Variants in RTKN2 observed in about 807,000 individuals in gnomAD.
RTKN2 encodes rhotekin 2, also known as rhotekin-2.
Under a neutral mutation model 71.5 loss-of-function variants are expected in RTKN2, and 69 were observed. The observed-to-expected ratio is 0.96, with a 90% CI of 0.79 to 1.18. The LOEUF (loss-of-function observed/expected upper bound fraction) is 1.18. RTKN2 is among the 50% of genes most tolerant of loss of function. RTKN2 has a pLI of 0.00. For synonymous variants in RTKN2, 236 were observed against 236.5 expected, an observed-to-expected ratio of 1.00 and a Z score of 0.02; for missense variants, 724 against 719.7, an observed-to-expected ratio of 1.01 and a Z score of -0.07.
chr10:62,223,372 AT>A lies in RTKN2; in HGVS notation c.687-41del, dbSNP rs1397628415. The A allele has an allele frequency of 4.2e-5, 49 of 1,178,330 alleles. 4 individuals carry two copies. The highest frequency in any genetic ancestry group is 2.7e-4 in the African/African-American group (18 of 66,204). The allele number at this position is 1,178,330 out of a possible 1,614,324, so 73.0% of individuals were successfully genotyped here. A position where few individuals can be genotyped will look rare whatever the true frequency, so the allele number is the denominator to read the frequency against. On this transcript the variant is annotated intron_variant, in intron 6 of 11. Coordinates refer to ENST00000373789, the MANE Select transcript of RTKN2 (RefSeq NM_145307.4). ...GAAGACATGTTTTAAGTATTTTTGT[AT>A]TTCTACTACTACACAAAATATTTGT...
In RTKN2 at chr10:62,196,026, T is replaced by G. The variant is rs191222836; in HGVS notation, c.*1882A>C. The G allele has an allele frequency of 1.0e-6, 1 of 984,704 alleles. No individual in the cohort carries two copies. Among genetic ancestry groups the G allele is most frequent in the Admixed American group, 6.2e-5 (1 of 16,222 alleles). 61.0% of individuals were successfully genotyped at this position (984,704 alleles called of 1,614,324 possible). A position where few individuals can be genotyped will look rare whatever the true frequency, so the allele number is the denominator to read the frequency against. ...TGGAAGTTTTAATACTGATTTGTAA[T>G]AAAGGAAGGCATCAACTAGGAAAAA... On this transcript the variant is annotated 3_prime_UTR_variant, in exon 12 of 12. Coordinates refer to ENST00000373789, the MANE Select transcript of RTKN2 (RefSeq NM_145307.4).
At chr10:62,254,646 T>C (rs983736538) in intron 2 of RTKN2, among the ~76,000 whole-genome samples, 5 of 151,934 alleles carry the variant, frequency 3.3e-5, no homozygotes, top group Non-Finnish European at 1.5e-5. Flanking sequence ...CATAAAGAAA[T>C]AAAATAGATT....
chr10:62,201,756 A>C (rs1841446999), intron 10 of RTKN2, among the ~76,000 whole-genome samples: 1 of 152,212 alleles, frequency 6.6e-6, no homozygotes, highest in Admixed American at 6.5e-5. Flanking sequence ...ATAATGCCAC[A>C]TTATTTCACG....
intron 5 of RTKN2, among the ~76,000 whole-genome samples, chr10:62,237,678 A>C (rs141201143): frequency 6.6e-6 from 1 of 151,776 alleles, no homozygotes; most frequent in East Asian, 1.9e-4. Flanking sequence ...CTTATAGTGC[A>C]CTCGTCACTG....
intron 2 of RTKN2, among the ~76,000 whole-genome samples, chr10:62,256,346 C>G (rs546898997): frequency 6.6e-6 from 1 of 152,120 alleles, no homozygotes; most frequent in East Asian, 1.9e-4. Context: ...GTATAAATGA[C>G]AAGGGGTTTT....
chr10:62,268,061 T>C (rs994982991), intron 1 of RTKN2, among the ~76,000 whole-genome samples: 1 of 152,228 alleles, frequency 6.6e-6, no homozygotes, highest in Non-Finnish European at 1.5e-5. Context: ...TTTTCTAAAG[T>C]GCAGAGGTTG....
Position 62,236,176 on chromosome 10 carries a change from C to T in RTKN2, c.576G>A (p.Lys192=), listed in dbSNP as rs149717739. 34 of 1,611,788 alleles carry T rather than the reference C, an allele frequency of 2.1e-5. No homozygotes were observed. In the African/African-American group the frequency reaches 4.3e-4, roughly 20 times the overall value. The part of the protein sequence containing the change: ...EESSITNTPK[K]LAKKLKTSIS... ...TAGATGTCTTGAGTTTCTTAGCTAG[C>T]TTTTTTGGTGTGTTGGTTATAGAAG... The change falls in exon 6 of 12, where the codon AAG becomes AAA. Residue 192 remains lysine, a synonymous_variant. Coordinates refer to ENST00000373789, the MANE Select transcript of RTKN2 (RefSeq NM_145307.4).
intron 6 of RTKN2, among the ~76,000 whole-genome samples, chr10:62,230,161 T>C (rs1169757556): frequency 6.6e-6 from 1 of 152,146 alleles, no homozygotes; most frequent in African/African-American, 2.4e-5. Flanking sequence ...CTATTATTTT[T>C]CTTTTTTTCT....
At chr10:62,234,194 G>A (rs1387804330) in intron 6 of RTKN2, among the ~76,000 whole-genome samples, 1 of 152,054 alleles carries the variant, frequency 6.6e-6, no homozygotes, top group Non-Finnish European at 1.5e-5. Context: ...AACAACTTGG[G>A]CATCAAAGAG....
chr10:62,259,518 A>C (rs1842734809), intron 2 of RTKN2, among the ~76,000 whole-genome samples: 1 of 152,092 alleles, frequency 6.6e-6, no homozygotes, highest in Non-Finnish European at 1.5e-5. Context: ...CCTGCTCCTG[A>C]ATAATTCATA....
At position 62,201,681 on chromosome 10, in the gene RTKN2, C is replaced by T. The variant is rs374053236; in HGVS notation, c.1187-1820G>A. Among the ~76,000 whole-genome samples, 28 of 152,144 alleles carry T rather than the reference C, an allele frequency of 1.8e-4. No homozygotes were observed. In the South Asian group the frequency reaches 5.2e-3, roughly 28 times the overall value. On this transcript the variant is annotated intron_variant, in intron 10 of 11. Transcript: ENST00000373789. ...ATAAAGTACAGTATTTCCTCTATAT[C>T]GATAAATGAAAGCATTTCATTGTTA... is the stretch of plus-strand genomic sequence containing the variant.
At chr10:62,189,799 A>C (rs1351067524), downstream of RTKN2, among the ~76,000 whole-genome samples, 1 of 151,212 alleles carries the variant, frequency 6.6e-6, no homozygotes, top group Non-Finnish European at 1.5e-5. Context: ...ACTGTAGTCC[A>C]GGCTGGGCAA....
At position 62,204,884 on chromosome 10, in the gene RTKN2, C is replaced by T; in HGVS notation, c.1159G>A (p.Ala387Thr). 1.3e-6 allele frequency: 2 copies of T among 1,576,210 alleles called. No individual in the cohort carries two copies. The highest frequency in any genetic ancestry group is 1.7e-6 in the Non-Finnish European group (2 of 1,167,156). ...AGATCAAAGAAATGCTGCCAGAAGG[C>T]TTCCATCCACTTCTGAAGATCTTCT... ...NREDLQKWME[A>T]FWQHFFDLSQ... Residue 387 changes from alanine to threonine, a missense_variant, in exon 10 of 12, where the codon GCC (alanine) becomes ACC (threonine). Transcript: ENST00000373789.
At chr10:62,246,482 C>T (rs1196930110) in intron 2 of RTKN2, among the ~76,000 whole-genome samples, 1 of 152,100 alleles carries the variant, frequency 6.6e-6, no homozygotes, top group African/African-American at 2.4e-5. Flanking sequence ...AATTTACTGT[C>T]CAGGAGTATC....
chr10:62,185,617 CA>C lies in RTKN2; in HGVS notation c.862-1231del, dbSNP rs1008412553. Among the ~76,000 whole-genome samples the C allele has an allele frequency of 4.8e-5, 7 of 146,976 alleles. No homozygotes were observed. The South Asian group carries it at 6.5e-4, about 14-fold the overall frequency. ...CTGGCAACAGAGCAAGACTCCGTCT[CA>C]AAAAAAAAAGATTGCTTTTAGCAAA... On this transcript the variant is annotated intron_variant, in intron 8 of 8. Transcript: ENST00000315289.
intron 2 of RTKN2, among the ~76,000 whole-genome samples, chr10:62,256,124 TC>T (rs1234683984): frequency 6.6e-6 from 1 of 151,850 alleles, no homozygotes; most frequent in Non-Finnish European, 1.5e-5. Flanking sequence ...ATGCAAGTGA[TC>T]CTCCTGCCTC....
chr10:62,204,390 A>G (rs1044463323), intron 10 of RTKN2, among the ~76,000 whole-genome samples: 1 of 152,174 alleles, frequency 6.6e-6, no homozygotes, highest in African/African-American at 2.4e-5. Context: ...TGTGTGGTTT[A>G]AAAAGAAACC....
At chr10:62,186,449 CAG>C (rs1346675850) in intron 8 of RTKN2, among the ~76,000 whole-genome samples, 1 of 150,772 alleles carries the variant, frequency 6.6e-6, no homozygotes, top group African/African-American at 2.4e-5. Context: ...CGGAGGAAGA[CAG>C]AACGCAGTAG....
At chr10:62,188,734 T>C (rs911076251), downstream of RTKN2, among the ~76,000 whole-genome samples, 3 of 151,252 alleles carry the variant, frequency 2.0e-5, no homozygotes, top group African/African-American at 7.3e-5. Flanking sequence ...TCTATATATA[T>C]ATTTAAATTT....
Sources: gnomAD v4.1 joint callset for allele counts (sites outside exome capture counted in the v4.1 genomes callset) on GRCh38, gnomAD v4.1.1 for gene constraint, MANE v1.5 for transcripts, NCBI Gene and HGNC (gene_info 2026-07-23, HGNC 2026-07-21) for gene names.